The following OLFML2A variants were observed in gnomAD, a reference collection of about 807,000 sequenced individuals.
OLFML2A encodes the protein olfactomedin-like protein 2A.
OLFML2A carries 47 observed loss-of-function variants against 60.9 expected under a neutral mutation model. The ratio of observed to expected loss-of-function variants is 0.77; its 90% CI spans 0.61 to 0.98. The LOEUF is 0.98. OLFML2A is among the 50% of genes least tolerant of loss of function. The pLI, the probability that OLFML2A is intolerant of heterozygous loss-of-function variation, is 0.00. For missense variants in OLFML2A, 922 were observed against 879.8 expected (o/e 1.05, Z -0.61); for synonymous variants, 372 against 375.0 (o/e 0.99, Z 0.09).
rs1842061140 is a variant in OLFML2A at position 124,813,531 on chromosome 9, G to A, written c.*3119G>A. The stretch of plus-strand genomic sequence containing the variant: ...CAGCCTGTTCCAGGCGCTGGTCAGT[G>A]CGTGTTCTTTGCCACCAGCCTGTCA... On this transcript the variant is annotated 3_prime_UTR_variant, in exon 8 of 8. Coordinates refer to ENST00000373580, the MANE Select transcript of OLFML2A (RefSeq NM_182487.4). The A allele has an allele frequency of 6.6e-6, 1 of 152,218 alleles. No individual in the cohort carries two copies. 9.4% of individuals were successfully genotyped at this position (152,218 alleles called of 1,614,324 possible).
rs199764199 is a variant in OLFML2A, at chr9:124,804,092, A to G, written c.920-2A>G. ...TTGAGCACAGGGGTCTTCTCTCTGC[A>G]GACAACACCCTCCAGGGCACTTCCT... On this transcript the variant is annotated splice_acceptor_variant, in intron 5 of 7. Transcript: ENST00000373580. LOFTEE classifies it high-confidence loss of function. 1 of 1,613,954 alleles carries G rather than the reference A, an allele frequency of 6.2e-7. No homozygotes were observed. The highest frequency in any genetic ancestry group is 1.1e-5 in the South Asian group (1 of 91,074).
At chr9:124,808,255 C>T (rs1193174365) in intron 7 of OLFML2A, among the ~76,000 whole-genome samples, 3 of 152,240 alleles carry the variant, frequency 2.0e-5, no homozygotes, top group Non-Finnish European at 4.4e-5. Context: ...CATCAAGGGG[C>T]CAATACTGAG....
At chr9:124,800,460 G>A (rs1166836065) in intron 4 of OLFML2A, among the ~76,000 whole-genome samples, 4 of 152,264 alleles carry the variant, frequency 2.6e-5, no homozygotes, top group African/African-American at 9.6e-5. Context: ...CATGGAGAGA[G>A]GTCACATGGA....
At chr9:124,803,858 G>A (rs572151669) in intron 5 of OLFML2A, among the ~76,000 whole-genome samples, 1 of 152,338 alleles carries the variant, frequency 6.6e-6, no homozygotes, top group South Asian at 2.1e-4. Flanking sequence ...AGGTGGCCCA[G>A]GAAGGCAGGG....
At chr9:124,802,245 A>G (rs1327790410) in intron 5 of OLFML2A, among the ~76,000 whole-genome samples, 1 of 152,214 alleles carries the variant, frequency 6.6e-6, no homozygotes, top group African/African-American at 2.4e-5. Context: ...ACACGTTTCA[A>G]GATACCCCAA....
Position 124,799,477 on chromosome 9 carries a change from G to A in OLFML2A, c.655G>A (p.Gly219Ser), listed in dbSNP as rs777432837. 1 of 1,598,564 alleles carries A rather than the reference G, an allele frequency of 6.3e-7. No homozygotes were observed. Among genetic ancestry groups the A allele is most frequent in the South Asian group, 1.1e-5 (1 of 88,934 alleles). Reference sequence around the variant, plus strand: ...CCCTGCCACCCCTGCCACGGGCACTGGTAGCAAGGCCCAGGTGAGGCCCCA... The same window carrying A: ...CCCTGCCACCCCTGCCACGGGCACTAGTAGCAAGGCCCAGGTGAGGCCCCA... ...AAPATPATGT[G>S]SKAQDTARGK... is the part of the protein sequence containing the mutation. The change falls in exon 4 of 8, where the codon GGT becomes AGT. Residue 219 changes from glycine (G) to serine (S), a missense_variant. Gly to Ser is a moderately conservative substitution (Grantham distance 56). Coordinates refer to ENST00000373580, the MANE Select transcript of OLFML2A (RefSeq NM_182487.4).
At chr9:124,789,064 G>A (rs1192141766) in intron 2 of OLFML2A, among the ~76,000 whole-genome samples, 2 of 151,996 alleles carry the variant, frequency 1.3e-5, no homozygotes, top group Non-Finnish European at 2.9e-5. Context: ...TCCCAAGCTG[G>A]GACCACAGGT....
chr9:124,801,077 G>T, intron 4 of OLFML2A: 1 of 1,549,538 alleles, frequency 6.5e-7, no homozygotes, highest in South Asian at 1.2e-5. Flanking sequence ...CTGGGAAGGT[G>T]AGCAGGTGGA....
chr9:124,801,650 CG>C lies in OLFML2A; in HGVS notation c.907del (p.Glu303ArgfsTer104). The C allele has an allele frequency of 6.2e-7, 1 of 1,612,882 alleles. No individual in the cohort carries two copies. Among genetic ancestry groups the C allele is most frequent in the Non-Finnish European group, 8.5e-7 (1 of 1,179,464 alleles). On this transcript the variant is annotated frameshift_variant, in exon 5 of 8. Coordinates refer to ENST00000373580, the MANE Select transcript of OLFML2A (RefSeq NM_182487.4). LOFTEE classifies it high-confidence loss of function. ...ACAAGGCAGGCAAGCAGGAGGTGAC[CG>C]AGGCGGTGGCAGGTGAGTAGGAGGG... is the stretch of plus-strand genomic sequence containing the variant. ...YYKAGKQEVT[E>X]AVADNTLQGT...
rs964374290 is a variant in OLFML2A, at chr9:124,804,320, A to G, written c.1146A>G (p.Ser382=). 3.3e-6 allele frequency: 5 copies of G among 1,534,756 alleles called. No homozygotes were observed. Among genetic ancestry groups the G allele is most frequent in the Non-Finnish European group, 3.5e-6 (4 of 1,145,084 alleles). ...TTSLLPTEPP[S]GPEVSSQGRE... ...GTCTCCTGCCCACCGAGCCACCTTC[A>G]GGTCCAGAAGTCTCCAGCCAAGGTG... The change falls in exon 6 of 8, where the codon TCA becomes TCG. Residue 382 remains serine (S), a synonymous_variant. Transcript: ENST00000373580.
intron 1 of OLFML2A, 121 bp from the exon 2 acceptor site, chr9:124,786,854 C>T: frequency 1.1e-6 from 1 of 947,318 alleles, no homozygotes; most frequent in African/African-American, 1.6e-5. Flanking sequence ...CCCCTCCTAC[C>T]TGCCAAACAC....
chr9:124,794,650 C>T (rs535361518), intron 2 of OLFML2A, among the ~76,000 whole-genome samples: 1 of 152,016 alleles, frequency 6.6e-6, no homozygotes, highest in Non-Finnish European at 1.5e-5. Flanking sequence ...GGAAGAGAGC[C>T]TCACTCTGTC....
chr9:124,801,324 C>A, intron 4 of OLFML2A, 90 bp from the exon 5 acceptor site: 4 of 1,370,336 alleles, frequency 2.9e-6, no homozygotes, highest in Non-Finnish European at 4.1e-6. Flanking sequence ...GCAACATGGC[C>A]ACCTCCAGTC....
intron 2 of OLFML2A, among the ~76,000 whole-genome samples, chr9:124,791,959 A>G (rs1050872957): frequency 2.6e-5 from 4 of 152,170 alleles, no homozygotes; most frequent in African/African-American, 7.2e-5. Flanking sequence ...ATTGAGTGGC[A>G]TGGCTGGAAA....
chr9:124,788,103 C>T (rs1294571247), intron 2 of OLFML2A, among the ~76,000 whole-genome samples: 3 of 150,840 alleles, frequency 2.0e-5, no homozygotes, highest in Admixed American at 6.6e-5. Context: ...GAGTTTGAGA[C>T]CAGCCTGGCC....
At chr9:124,784,940 C>CTTTTTTTTT (rs1461676348) in intron 1 of OLFML2A, among the ~76,000 whole-genome samples, 12 of 50,030 alleles carry the variant, frequency 2.4e-4, no homozygotes, top group African/African-American at 7.8e-4. Context: ...ATTCCTTTTA[C>CTTTTTTTTT]TTGTTTTTTT....
At chr9:124,805,781 A>G (rs961938124) in intron 6 of OLFML2A, among the ~76,000 whole-genome samples, 2 of 87,932 alleles carry the variant, frequency 2.3e-5, no homozygotes, top group African/African-American at 8.1e-5. Context: ...TTTTATTATT[A>G]TTGTTGTTGT....
Position 124,804,189 on chromosome 9 carries a change from G to A in OLFML2A, c.1015G>A (p.Glu339Lys), listed in dbSNP as rs1463870155. Reference sequence around the variant, plus strand: ...AGAGCCCAACTCCGCAGAGCAGGATGAGGCTGAGCCCAGGTCCTCCGAGCG... The same window carrying A: ...AGAGCCCAACTCCGCAGAGCAGGATAAGGCTGAGCCCAGGTCCTCCGAGCG... ...SAEPNSAEQD[E>K]AEPRSSERVD... The change falls in exon 6 of 8, where the codon GAG (glutamate) becomes AAG (lysine). Residue 339 changes from glutamate to lysine, a missense_variant. Glu to Lys is a moderately conservative substitution (Grantham distance 56). Coordinates refer to ENST00000373580, the MANE Select transcript of OLFML2A (RefSeq NM_182487.4). 1 of 1,614,054 alleles carries A rather than the reference G, an allele frequency of 6.2e-7. No individual in the cohort carries two copies. The highest frequency in any genetic ancestry group is 1.3e-5 in the African/African-American group (1 of 74,924).
At position 124,810,556 on chromosome 9, in the gene OLFML2A, C is replaced by T. The variant is rs1841993695; in HGVS notation, c.*144C>T. On this transcript the variant is annotated 3_prime_UTR_variant, in exon 8 of 8. Transcript: ENST00000373580. Reference sequence around the variant, plus strand: ...GCATGAGGTGGTCACCAGGATTGAGCTTCCTCAGCACCCAGTGGGTAATAC... The same window carrying T: ...GCATGAGGTGGTCACCAGGATTGAGTTTCCTCAGCACCCAGTGGGTAATAC... The T allele has an allele frequency of 2.6e-6, 2 of 782,988 alleles. No individual in the cohort carries two copies. The highest frequency in any genetic ancestry group is 5.8e-5 in the Admixed American group (2 of 34,330). The allele number at this position is 782,988 out of a possible 1,614,324, so 48.5% of individuals were successfully genotyped here.
Sources: allele counts gnomAD v4.1 joint callset (sites outside exome capture counted in the v4.1 genomes callset), GRCh38; gene constraint gnomAD v4.1.1; transcripts MANE v1.5; gene names NCBI Gene and HGNC (gene_info 2026-07-23, HGNC 2026-07-21).